Variants in DNAAF10 observed in about 807,000 individuals in gnomAD.
The protein encoded by DNAAF10 is WD repeat domain 92.
Under a neutral mutation model 43.7 loss-of-function variants are expected in DNAAF10, and 28 were observed. The ratio of observed to expected loss-of-function variants is 0.64; its 90% CI spans 0.48 to 0.88. DNAAF10 has a LOEUF of 0.88. Ranked by LOEUF, DNAAF10 falls within the 40% of genes least tolerant of loss-of-function variation. The pLI is 0.00. For synonymous variants in DNAAF10, 156 were observed against 157.3 expected (o/e 0.99, Z 0.06); for missense variants, 403 against 439.1 (o/e 0.92, Z 0.73).
chr2:68,155,865 T>C (rs1052968459), intron 1 of DNAAF10, among the ~76,000 whole-genome samples: 1 of 151,624 alleles, frequency 6.6e-6, no homozygotes, highest in African/African-American at 2.4e-5. Context: ...GGGAGGCCGA[T>C]GTAGGCAGAC....
At chr2:68,134,168 C>G (rs1672983005) in intron 7 of DNAAF10, 1 of 985,190 alleles carries the variant, frequency 1.0e-6, no homozygotes, top group East Asian at 1.1e-4. Flanking sequence ...TGATATCAGA[C>G]CTTTTAAATG....
In DNAAF10 at chr2:68,156,983, T is replaced by A. The variant is rs1366617792; in HGVS notation, c.183+278A>T. 17 of 512,246 alleles carry A rather than the reference T, an allele frequency of 3.3e-5. No homozygotes were observed. In the South Asian group the frequency reaches 4.1e-4, roughly 12 times the overall value. 31.7% of individuals were successfully genotyped at this position (512,246 alleles called of 1,614,324 possible). ...GCTGATGCCTGTCGAATGTGTTAGG[T>A]TGCCTCTTCCAACCACACTGCAGGC... On this transcript the variant is annotated intron_variant, in intron 1 of 7. Transcript: ENST00000295121.
chr2:68,142,771 A>C (rs1673219742), intron 3 of DNAAF10, among the ~76,000 whole-genome samples: 1 of 146,610 alleles, frequency 6.8e-6, no homozygotes, highest in Admixed American at 6.7e-5. Context: ...GAGAATAAGA[A>C]AAGGGCAAAA....
chr2:68,141,441 C>T (rs1303489126), intron 4 of DNAAF10, among the ~76,000 whole-genome samples: 2 of 152,140 alleles, frequency 1.3e-5, no homozygotes, highest in Non-Finnish European at 2.9e-5. Flanking sequence ...ATTATTAATT[C>T]CATTTTATAA....
chr2:68,131,679 C>G, intron 7 of DNAAF10: 1 of 471,120 alleles, frequency 2.1e-6, no homozygotes, highest in East Asian at 3.8e-5. Flanking sequence ...TTCTAAAAGT[C>G]ATTTCTGCTC....
chr2:68,134,734 A>G lies in DNAAF10; in HGVS notation c.834T>C (p.Ala278=), dbSNP rs1672997402. ...AGAGGTGAAGGCCGCCGGCGCCTCC[A>G]GCTGTCAGAAAGAGCTCCCTGTTCT... ...LPQNRELFLT[A]GGAGGLHLWK... is the part of the protein sequence containing the mutation. The change falls in exon 7 of 8, where the codon GCT becomes GCC. Residue 278 remains alanine, a synonymous_variant. Transcript: ENST00000295121. 6.2e-7 allele frequency: 1 copy of G among 1,608,732 alleles called. No individual in the cohort carries two copies. Among genetic ancestry groups the G allele is most frequent in the African/African-American group, 1.3e-5 (1 of 74,552 alleles).
At chr2:68,144,000 A>G (rs1175392388) in intron 3 of DNAAF10, among the ~76,000 whole-genome samples, 2 of 152,188 alleles carry the variant, frequency 1.3e-5, no homozygotes, top group Non-Finnish European at 2.9e-5. Context: ...TATAATAGGT[A>G]CCAAATTTCT....
intron 1 of DNAAF10, among the ~76,000 whole-genome samples, chr2:68,150,037 G>C (rs1181471201): frequency 1.3e-5 from 2 of 152,154 alleles, no homozygotes; most frequent in African/African-American, 4.8e-5. Context: ...CCACCAACCA[G>C]CTAAAGCATT....
chr2:68,152,202 TATGCTTCCCTC>T (rs1200465734), intron 1 of DNAAF10, among the ~76,000 whole-genome samples: 1 of 152,252 alleles, frequency 6.6e-6, no homozygotes, highest in Admixed American at 6.5e-5. Context: ...TATATGATAT[TATGCTTCCCTC>T]ATGTTCTTTG....
Position 68,157,484 on chromosome 2 carries a change from G to GC in DNAAF10, c.-42dup, listed in dbSNP as rs1558615765. The GC allele has an allele frequency of 6.2e-7, 1 of 1,614,054 alleles. No homozygotes were observed. Among genetic ancestry groups the GC allele is most frequent in the Admixed American group, 1.7e-5 (1 of 60,018 alleles). On this transcript the variant is annotated 5_prime_UTR_variant, in exon 1 of 8. The change abolishes the stop of an existing upstream ORF in the 5' untranslated region. Transcript: ENST00000295121. Reference sequence around the variant, plus strand: ...AGCTACGGCAACCGCCACACCCAGAGCCCCCAAAAACGGCAACCTGGAAAC... The same window carrying GC: ...AGCTACGGCAACCGCCACACCCAGAGCCCCCCAAAAACGGCAACCTGGAAAC...
intron 5 of DNAAF10, among the ~76,000 whole-genome samples, chr2:68,137,977 A>C (rs926598587): frequency 9.3e-5 from 14 of 150,616 alleles, no homozygotes; most frequent in Non-Finnish European, 1.9e-4. Flanking sequence ...GATTGAGACC[A>C]TCCTGGCTAA....
At chr2:68,141,322 G>C (rs1029747766) in intron 4 of DNAAF10, among the ~76,000 whole-genome samples, 5 of 152,126 alleles carry the variant, frequency 3.3e-5, no homozygotes, top group African/African-American at 1.2e-4. Context: ...TTTAAATTAG[G>C]TCAATATTAT....
At chr2:68,131,734 G>C (rs2103879331) in intron 7 of DNAAF10, 2 of 305,812 alleles carry the variant, frequency 6.5e-6, no homozygotes, top group East Asian at 1.3e-4. Flanking sequence ...GTTCTAGGTT[G>C]ATCTAGGATT....
At chr2:68,156,702 C>T (rs528714460) in intron 1 of DNAAF10, among the ~76,000 whole-genome samples, 152 of 152,274 alleles carry the variant, frequency 1.0e-3, no homozygotes, top group African/African-American at 3.4e-3. Flanking sequence ...GTGCAGAAGC[C>T]CTGGAAACCT....
intron 2 of DNAAF10, among the ~76,000 whole-genome samples, chr2:68,145,065 T>A (rs945212025): frequency 4.7e-4 from 71 of 152,040 alleles, no homozygotes; most frequent in African/African-American, 1.6e-3. Flanking sequence ...AATCAGGATT[T>A]CAGATGGGTC....
Position 68,141,820 on chromosome 2 carries a change from C to G in DNAAF10, c.416-25G>C, listed in dbSNP as rs775455043. 6 of 1,579,118 alleles carry G rather than the reference C, an allele frequency of 3.8e-6. No homozygotes were observed. In the Admixed American group the frequency reaches 8.4e-5, roughly 22 times the overall value. The stretch of plus-strand genomic sequence containing the variant: ...CCTGCCATGCATAAAAGTGAGTTGG[C>G]AAAAATTCAAAAGTAAATGATTATG... On this transcript the variant is annotated intron_variant, in intron 3 of 7. Coordinates refer to ENST00000295121, the MANE Select transcript of DNAAF10 (RefSeq NM_138458.4).
chr2:68,147,119 C>T (rs1419790509), intron 2 of DNAAF10, among the ~76,000 whole-genome samples: 1 of 152,068 alleles, frequency 6.6e-6, no homozygotes, highest in Non-Finnish European at 1.5e-5. Flanking sequence ...TCTACTTTTT[C>T]AGTGTTATTC....
chr2:68,147,515 T>G lies in DNAAF10; in HGVS notation c.236A>C (p.Gln79Pro). 1 of 1,612,154 alleles carries G rather than the reference T, an allele frequency of 6.2e-7. No individual in the cohort carries two copies. Among genetic ancestry groups the G allele is most frequent in the Non-Finnish European group, 8.5e-7 (1 of 1,179,134 alleles). The stretch of plus-strand genomic sequence containing the variant: ...ATCTCCAGTAGCTAAATATCTCTGC[T>G]GTAAAGATGTTGCACCAAATGTTCC... ...KCGTFGATSL[Q>P]QRYLATGDFG... Residue 79 changes from glutamine to proline, a missense_variant, in exon 2 of 8, where the codon CAG becomes CCG. Transcript: ENST00000295121.
At chr2:68,151,044 C>T (rs1018982394) in intron 1 of DNAAF10, among the ~76,000 whole-genome samples, 2 of 152,246 alleles carry the variant, frequency 1.3e-5, no homozygotes, top group Non-Finnish European at 1.5e-5. Context: ...AAGCTCTATA[C>T]ATTTTCACAG....
Sources: allele counts gnomAD v4.1 joint callset (sites outside exome capture counted in the v4.1 genomes callset), GRCh38; gene constraint gnomAD v4.1.1; transcripts MANE v1.5; gene names NCBI Gene and HGNC (gene_info 2026-07-23, HGNC 2026-07-21).